CACNA1B: variants seen among roughly 807,000 people sequenced by gnomAD.
The protein encoded by CACNA1B is voltage-dependent N-type calcium channel subunit alpha-1B.
A neutral mutation model predicts 247.2 loss-of-function variants in CACNA1B; 70 were observed. The ratio of observed to expected loss-of-function variants is 0.28; its 90% confidence interval spans 0.23 to 0.35. The LOEUF is 0.35. CACNA1B is among the 10% of genes least tolerant of loss of function. CACNA1B has a pLI of 1.00. For synonymous variants in CACNA1B, 1,231 were observed against 1,294.4 expected (o/e 0.95, Z 1.05); for missense variants, 2,367 against 3,197.4 (o/e 0.74, Z 6.26).
intron 10 of CACNA1B, among the ~76,000 whole-genome samples, chr9:137,967,347 G>T (rs1028146790): frequency 4.6e-5 from 7 of 152,130 alleles, no homozygotes; most frequent in African/African-American, 1.7e-4. Flanking sequence ...TCCGCATCCT[G>T]GTTTGAGGGT....
intron 25 of CACNA1B, among the ~76,000 whole-genome samples, chr9:138,053,347 C>G (rs567621566): frequency 2.0e-5 from 3 of 152,182 alleles, no homozygotes; most frequent in Admixed American, 6.5e-5. Flanking sequence ...CCTCCCCTCA[C>G]AAGAGACACA....
rs1018634233 is a variant in CACNA1B, at chr9:137,881,560, C to A, written c.391-1184C>A. 6.6e-6 allele frequency among the ~76,000 whole-genome samples: 1 copy of A among 152,230 alleles called. No individual in the cohort carries two copies. Among genetic ancestry groups the A allele is most frequent in the African/African-American group, 2.4e-5 (1 of 41,466 alleles). ...TTGAAGCTGGTCTCCTCTCCCCACC[C>A]CTTCACCTGCTTCCTAAGGCAGCAG... On this transcript the variant is annotated intron_variant, in intron 2 of 46. Coordinates refer to ENST00000371372, the MANE Select transcript of CACNA1B (RefSeq NM_000718.4). This position sits in a 1 kb window ranked among gnomAD's most constrained non-coding sequence, Gnocchi z 4.3.
intron 6 of CACNA1B, among the ~76,000 whole-genome samples, chr9:137,943,917 T>A (rs1957763801): frequency 6.6e-6 from 1 of 152,234 alleles, no homozygotes; most frequent in Non-Finnish European, 1.5e-5. Flanking sequence ...CCTGCTTTCA[T>A]GATAAACAAG....
chr9:137,903,155 G>A (rs933169859), intron 3 of CACNA1B, among the ~76,000 whole-genome samples: 5 of 152,216 alleles, frequency 3.3e-5, no homozygotes, highest in South Asian at 2.1e-4. Context: ...AGGCTGAGGC[G>A]GGCGGATCAC....
At chr9:138,105,400 G>A (rs1961386292) in intron 38 of CACNA1B, among the ~76,000 whole-genome samples, 1 of 152,208 alleles carries the variant, frequency 6.6e-6, no homozygotes, top group Admixed American at 6.5e-5. Context: ...ACAGGCAGGG[G>A]TCCCTCAGGG....
chr9:137,990,429 C>A lies in CACNA1B; in HGVS notation c.1974+3575C>A, dbSNP rs563976308. Among the ~76,000 whole-genome samples, 129 of 152,246 alleles carry A rather than the reference C, an allele frequency of 8.5e-4. No homozygotes were observed. Among genetic ancestry groups the A allele is most frequent in the Admixed American group, 6.9e-3 (105 of 15,302 alleles). On this transcript the variant is annotated intron_variant, in intron 15 of 46. Coordinates refer to ENST00000371372, the MANE Select transcript of CACNA1B (RefSeq NM_000718.4). This position sits in a 1 kb window ranked among gnomAD's most constrained non-coding sequence, Gnocchi z 4.5. ...GGGGGCTCTGTGGTCCTGCCCACCC[C>A]CTGAGAAACCTGAATACTTAATTAG...
intron 15 of CACNA1B, among the ~76,000 whole-genome samples, chr9:137,992,837 C>T (rs796331989): frequency 2.0e-5 from 3 of 151,936 alleles, no homozygotes; most frequent in African/African-American, 7.2e-5. Flanking sequence ...CAAGTACTCT[C>T]TCAGACGATA....
chr9:137,987,216 T>C (rs936485861), intron 15 of CACNA1B, among the ~76,000 whole-genome samples: 1 of 152,294 alleles, frequency 6.6e-6, no homozygotes, highest in East Asian at 1.9e-4. Context: ...AAGCACTTCC[T>C]AAACTTCTCC....
intron 6 of CACNA1B, among the ~76,000 whole-genome samples, chr9:137,938,508 A>G (rs1018473782): frequency 3.9e-5 from 6 of 152,152 alleles, no homozygotes; most frequent in African/African-American, 1.4e-4. Flanking sequence ...GCTCCCTTTA[A>G]GAGACTCACC....
At position 138,023,381 on chromosome 9, in the gene CACNA1B, G is replaced by A. The variant is rs1337989769; in HGVS notation, c.2638G>A (p.Gly880Ser). 1.0e-5 allele frequency: 14 copies of A among 1,379,498 alleles called. No individual in the cohort carries two copies. Among genetic ancestry groups the A allele is most frequent in the Non-Finnish European group, 1.3e-5 (14 of 1,074,712 alleles). 85.5% of individuals were successfully genotyped at this position (1,379,498 alleles called of 1,614,324 possible). A position where few individuals can be genotyped will look rare whatever the true frequency, so the allele number is the denominator to read the frequency against. ...CCCGAAGGCGGAGAGCGGGGAGCCCGGTGCCCGGGAGGAGCGGCCGCGGCC... is the reference window on the plus strand; with the variant it reads ...CCCGAAGGCGGAGAGCGGGGAGCCCAGTGCCCGGGAGGAGCGGCCGCGGCC... Reference protein sequence around the residue: ...EAPKAESGEPGAREERPRPHR... With the variant: ...EAPKAESGEPSAREERPRPHR... Residue 880 changes from glycine to serine, a missense_variant, in exon 19 of 47, where the codon GGT (glycine) becomes AGT (serine). Transcript: ENST00000371372.
At chr9:137,975,850 G>A (rs1958213553) in intron 11 of CACNA1B, 57 bp from the exon 12 acceptor site, 2 of 1,056,220 alleles carry the variant, frequency 1.9e-6, no homozygotes, top group Middle Eastern at 2.0e-4. Context: ...AGTCTGGGCT[G>A]GAGCCAGAGT....
intron 42 of CACNA1B, among the ~76,000 whole-genome samples, chr9:138,116,206 T>C (rs891507337): frequency 4.6e-5 from 7 of 152,366 alleles, no homozygotes; most frequent in Admixed American, 3.9e-4. Context: ...TCTACTGCTC[T>C]GATCTTTCTA....
intron 16 of CACNA1B, among the ~76,000 whole-genome samples, chr9:138,009,611 C>T (rs970392782): frequency 2.0e-5 from 3 of 152,158 alleles, no homozygotes; most frequent in Non-Finnish European, 2.9e-5. Context: ...TTGTGCTGGC[C>T]GGGGCTTGGG....
intron 20 of CACNA1B, among the ~76,000 whole-genome samples, chr9:138,026,057 C>T (rs750687244): frequency 2.6e-5 from 4 of 152,094 alleles, no homozygotes; most frequent in African/African-American, 2.4e-5. Flanking sequence ...TGTGCATGTC[C>T]GTGTTTGCAG....
intron 3 of CACNA1B, among the ~76,000 whole-genome samples, chr9:137,894,681 T>G (rs1358547212): frequency 6.6e-6 from 1 of 152,214 alleles, no homozygotes; most frequent in Non-Finnish European, 1.5e-5. Context: ...GTGCTGGGAT[T>G]ACAGGCATGA....
chr9:137,905,225 T>C (rs996617220), intron 3 of CACNA1B, among the ~76,000 whole-genome samples: 3 of 151,968 alleles, frequency 2.0e-5, no homozygotes, highest in East Asian at 1.9e-4. Context: ...TGGTGGCACG[T>C]GCCTGTAGTC....
At chr9:138,025,234 T>C in intron 20 of CACNA1B, 62 bp downstream of exon 20, 2 of 1,112,220 alleles carry the variant, frequency 1.8e-6, no homozygotes, top group Non-Finnish European at 1.3e-6. Context: ...CAACCCCCAT[T>C]CCCTCCTGCT....
rs1436220670 is a variant in CACNA1B, at chr9:138,057,566, A to G, written c.3969-166A>G. Among the ~76,000 whole-genome samples the G allele has an allele frequency of 6.6e-6, 1 of 152,226 alleles. No individual in the cohort carries two copies. The highest frequency in any genetic ancestry group is 1.5e-5 in the Non-Finnish European group (1 of 68,048). On this transcript the variant is annotated intron_variant, in intron 26 of 46. Coordinates refer to ENST00000371372, the MANE Select transcript of CACNA1B (RefSeq NM_000718.4). The surrounding 1 kb of genome is among the most constrained non-coding windows in gnomAD (Gnocchi z 4.0). ...ATGAGTTAATTTTTGTCTATGGAGT[A>G]AAGTAGGGTCACATTCATTCTTCTG...
chr9:137,981,922 A>G (rs900688585), intron 12 of CACNA1B, among the ~76,000 whole-genome samples: 1 of 152,194 alleles, frequency 6.6e-6, no homozygotes, highest in Non-Finnish European at 1.5e-5. Flanking sequence ...AATGTCCAAA[A>G]TTCTATGAAC....
Sources: allele counts gnomAD v4.1 joint callset (sites outside exome capture counted in the v4.1 genomes callset), GRCh38; gene constraint gnomAD v4.1.1; non-coding constraint Gnocchi (gnomAD v3.1); transcripts MANE v1.5; gene names NCBI Gene and HGNC (gene_info 2026-07-23, HGNC 2026-07-21).